Variants in TMCC1 observed in about 807,000 individuals in gnomAD.
TMCC1 encodes the protein transmembrane and coiled-coil domains protein 1.
Under a neutral mutation model 52.4 loss-of-function variants are expected in TMCC1, and 15 were observed. The ratio of observed to expected loss-of-function variants is 0.29; its 90% CI spans 0.19 to 0.44. The LOEUF (loss-of-function observed/expected upper bound fraction) is 0.44. Ranked by LOEUF, TMCC1 falls within the 20% of genes least tolerant of loss-of-function variation. The pLI is 1.00. For synonymous variants in TMCC1, 279 were observed against 301.9 expected, an observed-to-expected ratio of 0.92 and a Z score of 0.79; for missense variants, 503 against 806.0, an observed-to-expected ratio of 0.62 and a Z score of 4.55.
At chr3:129,764,119 G>C (rs1183861005) in intron 4 of TMCC1, among the ~76,000 whole-genome samples, 1 of 152,130 alleles carries the variant, frequency 6.6e-6, no homozygotes, top group Non-Finnish European at 1.5e-5. Context: ...ATGAGCTACT[G>C]ATCTCATCTC....
intron 4 of TMCC1, among the ~76,000 whole-genome samples, chr3:129,722,280 C>T (rs2107596219): frequency 6.6e-6 from 1 of 152,232 alleles, no homozygotes; most frequent in Admixed American, 6.5e-5. Context: ...AGCACAAACC[C>T]TATTATGAAC....
intron 2 of TMCC1, among the ~76,000 whole-genome samples, chr3:129,834,154 C>A (rs1482264703): frequency 6.6e-6 from 1 of 152,138 alleles, no homozygotes; most frequent in Non-Finnish European, 1.5e-5. Flanking sequence ...AAAAAAGCAG[C>A]AGCTTTTACT....
intron 2 of TMCC1, among the ~76,000 whole-genome samples, chr3:129,875,504 A>C (rs1284580581): frequency 2.8e-4 from 42 of 150,490 alleles, no homozygotes; most frequent in African/African-American, 8.7e-4. Context: ...AAAAAAAAAA[A>C]AAAAAAAAAA....
intron 2 of TMCC1, among the ~76,000 whole-genome samples, chr3:129,876,284 C>T (rs1314062067): frequency 7.2e-6 from 1 of 139,058 alleles, no homozygotes; most frequent in Non-Finnish European, 1.5e-5. Context: ...TAATGCCTGG[C>T]TCAAAAAAAA....
At chr3:129,856,509 C>T (rs983823647) in intron 2 of TMCC1, among the ~76,000 whole-genome samples, 1 of 152,154 alleles carries the variant, frequency 6.6e-6, no homozygotes, top group African/African-American at 2.4e-5. Flanking sequence ...TTTTCTAAGT[C>T]CCAAATTCAA....
intron 1 of TMCC1, among the ~76,000 whole-genome samples, chr3:129,882,182 AAAAC>A (rs1047544955): frequency 6.6e-6 from 1 of 152,200 alleles, no homozygotes; most frequent in Non-Finnish European, 1.5e-5. Context: ...ACTCAAAACA[AAAAC>A]AACCTGATAA....
At chr3:129,707,876 G>A (rs916983102) in intron 4 of TMCC1, among the ~76,000 whole-genome samples, 5 of 150,066 alleles carry the variant, frequency 3.3e-5, no homozygotes, top group African/African-American at 4.9e-5. Context: ...AGGTTGCAGC[G>A]AGCCGAGATC....
At chr3:129,825,159 T>G (rs934501425) in intron 4 of TMCC1, among the ~76,000 whole-genome samples, 4 of 152,222 alleles carry the variant, frequency 2.6e-5, no homozygotes, top group African/African-American at 9.6e-5. Context: ...TGAATTATCC[T>G]TTTCCCCGCT....
At chr3:129,873,927 G>A (rs1046370608) in intron 2 of TMCC1, among the ~76,000 whole-genome samples, 1 of 152,228 alleles carries the variant, frequency 6.6e-6, no homozygotes, top group South Asian at 2.1e-4. Flanking sequence ...AATTTGGGAT[G>A]CTCAAACTAT....
chr3:129,673,561 G>A (rs941511638), intron 4 of TMCC1, among the ~76,000 whole-genome samples: 2 of 152,130 alleles, frequency 1.3e-5, no homozygotes, highest in Admixed American at 6.6e-5. Flanking sequence ...CTAAAGAAGT[G>A]TAGCTATGGC....
At chr3:129,711,129 A>G (rs2048651483) in intron 4 of TMCC1, among the ~76,000 whole-genome samples, 1 of 152,094 alleles carries the variant, frequency 6.6e-6, no homozygotes, top group Non-Finnish European at 1.5e-5. Flanking sequence ...CTCCCAAAGT[A>G]CTAGGATTAC....
intron 4 of TMCC1, among the ~76,000 whole-genome samples, chr3:129,751,069 C>T (rs1159192628): frequency 1.3e-5 from 2 of 152,040 alleles, no homozygotes; most frequent in East Asian, 3.9e-4. Context: ...GATGTGGTGG[C>T]ACACGCCTGT....
At chr3:129,716,913 C>T (rs936999375) in intron 4 of TMCC1, among the ~76,000 whole-genome samples, 1 of 152,180 alleles carries the variant, frequency 6.6e-6, no homozygotes, top group African/African-American at 2.4e-5. Context: ...TCGGACTCTA[C>T]AAGTGGTGAG....
At chr3:129,728,376 C>T (rs2050275246) in intron 4 of TMCC1, among the ~76,000 whole-genome samples, 1 of 152,148 alleles carries the variant, frequency 6.6e-6, no homozygotes, top group Admixed American at 6.5e-5. Flanking sequence ...ACCTCCGCCT[C>T]CAGGGTTCAA....
chr3:129,743,161 A>G (rs1000168375), intron 4 of TMCC1, among the ~76,000 whole-genome samples: 2 of 152,190 alleles, frequency 1.3e-5, no homozygotes, highest in African/African-American at 2.4e-5. Flanking sequence ...TATACTTTCA[A>G]TGGGTGAGGT....
chr3:129,681,075 G>C (rs925093777), intron 4 of TMCC1, among the ~76,000 whole-genome samples: 1 of 152,086 alleles, frequency 6.6e-6, no homozygotes, highest in Admixed American at 6.6e-5. Context: ...TATATGATGG[G>C]GGGTGGAGAC....
chr3:129,753,193 A>G (rs1259230613), intron 4 of TMCC1, among the ~76,000 whole-genome samples: 3 of 152,228 alleles, frequency 2.0e-5, no homozygotes, highest in Non-Finnish European at 4.4e-5. Context: ...ATAGAGAATC[A>G]TCTCACATTT....
At chr3:129,773,662 C>T (rs6439198) in intron 4 of TMCC1, among the ~76,000 whole-genome samples, 150,212 of 152,372 alleles carry the variant, frequency 0.99, 74,080 homozygotes, top group East Asian at 1. Flanking sequence ...ATATTTTTAC[C>T]GGCTGGGCGA....
chr3:129,844,680 T>A (rs1350623908), intron 2 of TMCC1, among the ~76,000 whole-genome samples: 1 of 152,182 alleles, frequency 6.6e-6, no homozygotes, highest in South Asian at 2.1e-4. Flanking sequence ...TCTGCATCTT[T>A]TCATCTGAAA....
Sources: gnomAD v4.1 joint callset for allele counts (sites outside exome capture counted in the v4.1 genomes callset) on GRCh38, gnomAD v4.1.1 for gene constraint, MANE v1.5 for transcripts, NCBI Gene and HGNC (gene_info 2026-07-23, HGNC 2026-07-21) for gene names.